The following SHANK2 variants were observed in gnomAD, a reference collection of about 807,000 sequenced individuals.
The protein encoded by SHANK2 is SH3 and multiple ankyrin repeat domains protein 2.
In SHANK2, 43 loss-of-function variants were observed where a neutral mutation model predicts 133.7. That is an observed-to-expected ratio of 0.32 (90% CI 0.25 to 0.41). SHANK2 has a LOEUF of 0.41. Ranked by LOEUF, SHANK2 falls within the 10% of genes least tolerant of loss-of-function variation. The pLI is 1.00. For missense variants in SHANK2, 1,994 were observed against 2,235.8 expected (o/e 0.89, Z 2.18); for synonymous variants, 1,017 against 952.8 (o/e 1.07, Z -1.24).
rs7119385 is a variant in SHANK2, at chr11:70,829,096, A to G, written c.1175-8414T>C. On this transcript the variant is annotated intron_variant, in intron 11 of 25. Transcript: ENST00000601538. Reference sequence around the variant, plus strand: ...CGGAAGACCTTGGGTGGAGGGTGTAAGGAAGAAGCCACCTCCCTGGGACCA... The same window carrying G: ...CGGAAGACCTTGGGTGGAGGGTGTAGGGAAGAAGCCACCTCCCTGGGACCA... 7.8e-3 allele frequency among the ~76,000 whole-genome samples: 1,187 copies of G among 152,266 alleles called. 17 individuals carry two copies. Among genetic ancestry groups the G allele is most frequent in the African/African-American group, 0.027 (1,108 of 41,562 alleles).
At chr11:70,491,011 T>C (rs2509838) in intron 22 of SHANK2, among the ~76,000 whole-genome samples, 66,581 of 151,980 alleles carry the variant, frequency 0.44, 14,786 homozygotes, top group East Asian at 0.67. Context: ...TTCCTCCCTC[T>C]TCAGCCTGTC....
chr11:70,648,943 G>A (rs2134200814), intron 17 of SHANK2, among the ~76,000 whole-genome samples: 1 of 152,288 alleles, frequency 6.6e-6, no homozygotes, highest in South Asian at 2.1e-4. Context: ...GTTATGAGCG[G>A]GCATCACAGG....
At chr11:70,676,256 TG>T (rs1471522525) in intron 15 of SHANK2, among the ~76,000 whole-genome samples, 12 of 152,346 alleles carry the variant, frequency 7.9e-5, no homozygotes, top group Admixed American at 7.2e-4. Flanking sequence ...GCCAGACACT[TG>T]CTATTGCAGC....
intron 11 of SHANK2, among the ~76,000 whole-genome samples, chr11:70,868,347 G>A (rs1188495528): frequency 6.6e-6 from 1 of 152,308 alleles, no homozygotes; most frequent in East Asian, 1.9e-4. Context: ...GCCTGGTCAA[G>A]CTGGATAAAC....
At chr11:71,123,494 G>T (rs1555101945) in intron 3 of SHANK2, among the ~76,000 whole-genome samples, 6 of 152,176 alleles carry the variant, frequency 3.9e-5, no homozygotes, top group Non-Finnish European at 8.8e-5. Context: ...CTTCCAGGTT[G>T]AGGGCCCATC....
At chr11:70,600,418 C>CAAAAAAAAAAAAAAAAAAAAAAAAAAAAA (rs56103044) in intron 17 of SHANK2, among the ~76,000 whole-genome samples, 1 of 95,466 alleles carries the variant, frequency 1.0e-5, no homozygotes. Flanking sequence ...GACTCTGTCT[C>CAAAAAAAAAAAAAAAAAAAAAAAAAAAAA]AAAAAAAAAA....
At chr11:70,725,233 G>A (rs1439603265) in intron 14 of SHANK2, among the ~76,000 whole-genome samples, 5 of 152,154 alleles carry the variant, frequency 3.3e-5, no homozygotes, top group African/African-American at 4.8e-5. Context: ...GTGAGTAAAT[G>A]TTTCCCTACA....
intron 14 of SHANK2, among the ~76,000 whole-genome samples, chr11:70,750,056 C>T (rs782224924): frequency 2.0e-5 from 3 of 152,184 alleles, no homozygotes; most frequent in East Asian, 1.9e-4. Context: ...CCCTAGTTAA[C>T]GCAGCTAGCA....
intron 2 of SHANK2, among the ~76,000 whole-genome samples, chr11:71,153,085 T>G (rs1251302159): frequency 6.6e-6 from 1 of 152,118 alleles, no homozygotes; most frequent in Non-Finnish European, 1.5e-5. Context: ...GGCAACACCA[T>G]GGGAGAGCCA....
chr11:70,488,481 G>T (rs546419430), intron 24 of SHANK2, among the ~76,000 whole-genome samples: 123 of 152,304 alleles, frequency 8.1e-4, no homozygotes, highest in Non-Finnish European at 1.5e-3. Flanking sequence ...CCCCACTAAG[G>T]GTTCTATGTG....
chr11:71,178,975 T>A (rs1555113430), intron 2 of SHANK2, among the ~76,000 whole-genome samples: 1 of 149,876 alleles, frequency 6.7e-6, no homozygotes, highest in African/African-American at 2.5e-5. Flanking sequence ...AGAATGAGAC[T>A]TCGTCTGAAG....
chr11:70,473,861 G>A lies in SHANK2; in HGVS notation c.4980-422C>T. 6.3e-6 allele frequency: 2 copies of A among 315,548 alleles called. No individual in the cohort carries two copies. The highest frequency in any genetic ancestry group is 1.3e-5 in the Non-Finnish European group (2 of 159,084). The allele number at this position is 315,548 out of a possible 1,614,324, so 19.5% of individuals were successfully genotyped here. A position where few individuals can be genotyped will look rare whatever the true frequency, so the allele number is the denominator to read the frequency against. ...TGAAGAGGGCACGGAGACAGGGACA[G>A]AGTGGGGTCCTGTCACCTGGGTAGA... On this transcript the variant is annotated intron_variant, in intron 25 of 25. Transcript: ENST00000601538. This position sits in a 1 kb window ranked among gnomAD's most constrained non-coding sequence, Gnocchi z 5.9.
At position 70,487,112 on chromosome 11, in the gene SHANK2, C is replaced by T; in HGVS notation, c.3181G>A (p.Glu1061Lys). Residue 1061 changes from glutamate (E) to lysine (K), a missense_variant, in exon 25 of 26, where the codon GAG becomes AAG. Glu to Lys is a moderately conservative substitution (Grantham distance 56). Coordinates refer to ENST00000601538, the MANE Select transcript of SHANK2 (RefSeq NM_012309.5). This position sits in a 1 kb window ranked among gnomAD's most constrained non-coding sequence, Gnocchi z 5.8. ...SSMEIDPQAP[E>K]PPSQLRPDES... is the part of the protein sequence containing the mutation. ...TCAGGCCGCAGCTGGCTCGGTGGCTCCGGGGCCTGGGGGTCGATCTCCATG... is the reference window on the plus strand; with the variant it reads ...TCAGGCCGCAGCTGGCTCGGTGGCTTCGGGGCCTGGGGGTCGATCTCCATG... 1 of 1,611,412 alleles carries T rather than the reference C, an allele frequency of 6.2e-7. No individual in the cohort carries two copies. The highest frequency in any genetic ancestry group is 8.5e-7 in the Non-Finnish European group (1 of 1,179,996).
At chr11:71,198,437 G>A (rs1028317770) in intron 2 of SHANK2, among the ~76,000 whole-genome samples, 13 of 152,194 alleles carry the variant, frequency 8.5e-5, no homozygotes, top group Non-Finnish European at 1.9e-4. Context: ...CATGCCATAT[G>A]AGGAGAGGTC....
chr11:70,636,881 T>C (rs2061107904), intron 17 of SHANK2, among the ~76,000 whole-genome samples: 1 of 152,194 alleles, frequency 6.6e-6, no homozygotes, highest in Non-Finnish European at 1.5e-5. Context: ...TGTGTGCACA[T>C]GGTAGCATGT....
At chr11:70,767,332 C>T (rs552212262) in intron 14 of SHANK2, among the ~76,000 whole-genome samples, 1 of 152,160 alleles carries the variant, frequency 6.6e-6, no homozygotes, top group African/African-American at 2.4e-5. Flanking sequence ...TATGACCCAC[C>T]AATTCCATTC....
At chr11:70,940,239 C>CTT (rs1193170593) in intron 10 of SHANK2, among the ~76,000 whole-genome samples, 9 of 3,118 alleles carry the variant, frequency 2.9e-3, no homozygotes, top group Middle Eastern at 0.083. Context: ...CCCTTCTTCT[C>CTT]TCTCTCTCTC....
intron 15 of SHANK2, among the ~76,000 whole-genome samples, chr11:70,681,616 A>G (rs1401278482): frequency 6.6e-6 from 1 of 152,052 alleles, no homozygotes; most frequent in East Asian, 1.9e-4. Flanking sequence ...CACAGGGGAG[A>G]GGCCAGCTCA....
intron 22 of SHANK2, among the ~76,000 whole-genome samples, chr11:70,491,921 G>A (rs1376615421): frequency 1.3e-5 from 2 of 152,192 alleles, no homozygotes; most frequent in East Asian, 1.9e-4. Context: ...CCAGGATCTC[G>A]GAGAGTGTGG....
Sources: allele counts gnomAD v4.1 joint callset (sites outside exome capture counted in the v4.1 genomes callset), GRCh38; gene constraint gnomAD v4.1.1; non-coding constraint Gnocchi (gnomAD v3.1); transcripts MANE v1.5; gene names NCBI Gene and HGNC (gene_info 2026-07-23, HGNC 2026-07-21).